Variants in CDH11 observed in about 807,000 individuals in gnomAD.
CDH11 encodes the protein cadherin 11.
A neutral mutation model predicts 67.8 loss-of-function variants in CDH11; 11 were observed. That is an observed-to-expected ratio of 0.16 (90% CI 0.10 to 0.27). The LOEUF (loss-of-function observed/expected upper bound fraction) is 0.27. CDH11 is among the 10% of genes least tolerant of loss of function. The pLI is 1.00. For synonymous variants in CDH11, 419 were observed against 400.0 expected (o/e 1.05, Z -0.57); for missense variants, 847 against 1,031.2 (o/e 0.82, Z 2.45).
intron 1 of CDH11, among the ~76,000 whole-genome samples, chr16:65,062,649 G>A (rs2074250929): frequency 6.6e-6 from 1 of 152,184 alleles, no homozygotes; most frequent in African/African-American, 2.4e-5. Context: ...CACTTACTCT[G>A]AAGACACAAG....
chr16:65,122,362 G>C (rs964837641), upstream of CDH11: 8 of 230,550 alleles, frequency 3.5e-5, no homozygotes, highest in African/African-American at 1.7e-4. Context: ...CTCAGATGGA[G>C]TCTGGAGCGA....
intron 11 of CDH11, among the ~76,000 whole-genome samples, chr16:64,954,906 C>T (rs1412707743): frequency 1.3e-5 from 2 of 150,092 alleles, no homozygotes; most frequent in African/African-American, 4.9e-5. Context: ...GAGTTCAAGA[C>T]CAGCCTGGCC....
upstream of CDH11, among the ~76,000 whole-genome samples, chr16:65,123,064 C>T (rs1371354222): frequency 6.6e-6 from 1 of 152,176 alleles, no homozygotes; most frequent in Admixed American, 6.5e-5. Flanking sequence ...CCCGGGCCTG[C>T]TTCCTGCCCT....
At chr16:65,018,085 A>C (rs539835263) in intron 2 of CDH11, among the ~76,000 whole-genome samples, 1 of 152,328 alleles carries the variant, frequency 6.6e-6, no homozygotes, top group Non-Finnish European at 1.5e-5. Flanking sequence ...CTTAGATTAG[A>C]CTTTTTAAAG....
intron 11 of CDH11, among the ~76,000 whole-genome samples, chr16:64,951,732 AT>A (rs889401865): frequency 1.3e-5 from 2 of 152,312 alleles, no homozygotes; most frequent in South Asian, 2.1e-4. Context: ...TAAAAAAGAA[AT>A]TCCAAGTCCA....
intron 1 of CDH11, among the ~76,000 whole-genome samples, chr16:65,105,222 T>A (rs2075048641): frequency 6.6e-6 from 1 of 152,216 alleles, no homozygotes; most frequent in Admixed American, 6.5e-5. Flanking sequence ...TATTTGTTTT[T>A]GGAAGAGGTT....
chr16:65,102,068 G>C (rs10500509), intron 1 of CDH11, among the ~76,000 whole-genome samples: 4,147 of 152,224 alleles, frequency 0.027, 171 homozygotes, highest in African/African-American at 0.093. Context: ...AGGTTGCATA[G>C]TAGAATTAAA....
chr16:65,063,219 C>A (rs2074261323), intron 1 of CDH11, among the ~76,000 whole-genome samples: 1 of 151,864 alleles, frequency 6.6e-6, no homozygotes, highest in Non-Finnish European at 1.5e-5. Flanking sequence ...AATGTGACTG[C>A]ACACACACAC....
chr16:65,080,474 A>G (rs1038968658), intron 1 of CDH11, among the ~76,000 whole-genome samples: 2 of 152,216 alleles, frequency 1.3e-5, no homozygotes, highest in Non-Finnish European at 2.9e-5. Context: ...TTAAATGCTC[A>G]TTATAATCCC....
intron 1 of CDH11, among the ~76,000 whole-genome samples, chr16:65,055,114 G>A (rs1694965280): frequency 6.6e-6 from 1 of 152,200 alleles, no homozygotes; most frequent in Admixed American, 6.5e-5. Flanking sequence ...AGGGAGTCAT[G>A]GAGGAAATGC....
chr16:64,943,999 T>G lies in CDH11; in HGVS notation c.*3604A>C, dbSNP rs2071152292. The G allele has an allele frequency of 1.3e-5, 3 of 231,764 alleles. No homozygotes were observed. The highest frequency in any genetic ancestry group is 5.6e-5 in the Admixed American group (1 of 17,722). The allele number at this position is 231,764 out of a possible 1,614,324, so 14.4% of individuals were successfully genotyped here. On this transcript the variant is annotated 3_prime_UTR_variant, in exon 13 of 13. Coordinates refer to ENST00000268603, the MANE Select transcript of CDH11 (RefSeq NM_001797.4). ...TGCTTTCCATGGAAAAGGAACGTGT[T>G]TTTTTTTGTATCAGGAACCGAAAGA...
intron 11 of CDH11, among the ~76,000 whole-genome samples, chr16:64,962,119 T>C (rs1359177689): frequency 1.3e-5 from 2 of 152,168 alleles, no homozygotes; most frequent in Non-Finnish European, 1.5e-5. Context: ...TTAATTTTTA[T>C]GTAGTTATTG....
chr16:64,999,315 TA>T (rs2072855508), intron 3 of CDH11, among the ~76,000 whole-genome samples: 1 of 152,128 alleles, frequency 6.6e-6, no homozygotes, highest in Non-Finnish European at 1.5e-5. Context: ...GTGAATCCTA[TA>T]AGAGATATTC....
At chr16:65,104,052 T>C (rs1350312170) in intron 1 of CDH11, among the ~76,000 whole-genome samples, 1 of 152,192 alleles carries the variant, frequency 6.6e-6, no homozygotes, top group Non-Finnish European at 1.5e-5. Flanking sequence ...TAAAGAGTTA[T>C]CATGAAATTA....
Position 65,110,176 on chromosome 16 carries a change from A to G in CDH11, c.-298+11704T>C, listed in dbSNP as rs115792891. Reference sequence around the variant, plus strand: ...ATGAGTCATTGCACCCAGCCTATTCAATGTTTACTAAAACCTCCTTCTGCT... The same window carrying G: ...ATGAGTCATTGCACCCAGCCTATTCGATGTTTACTAAAACCTCCTTCTGCT... On this transcript the variant is annotated intron_variant, in intron 1 of 12. Transcript: ENST00000268603. Among the ~76,000 whole-genome samples, 100 of 152,264 alleles carry G rather than the reference A, an allele frequency of 6.6e-4. 1 individual carries two copies. Among genetic ancestry groups the G allele is most frequent in the African/African-American group, 2.3e-3 (97 of 41,556 alleles).
At chr16:65,052,816 T>A (rs1488783577) in intron 2 of CDH11, among the ~76,000 whole-genome samples, 1 of 152,174 alleles carries the variant, frequency 6.6e-6, no homozygotes, top group African/African-American at 2.4e-5. Flanking sequence ...TTGACTTGCA[T>A]TTGAACGGTG....
chr16:65,048,801 C>A (rs2142702196), intron 2 of CDH11, among the ~76,000 whole-genome samples: 1 of 151,846 alleles, frequency 6.6e-6, no homozygotes, highest in South Asian at 2.1e-4. Context: ...TACACACACA[C>A]AACGTTCTTT....
chr16:64,960,483 G>A (rs1323552008), intron 11 of CDH11, among the ~76,000 whole-genome samples: 1 of 152,096 alleles, frequency 6.6e-6, no homozygotes, highest in African/African-American at 2.4e-5. Context: ...AGAGTGATAA[G>A]AAAAATTGAG....
chr16:64,982,025 T>C (rs1360684522), intron 8 of CDH11, 23 bp downstream of exon 8: 3 of 1,571,648 alleles, frequency 1.9e-6, no homozygotes, highest in Non-Finnish European at 2.6e-6. Flanking sequence ...CCATCCAAGC[T>C]CTTAAAATAA....
Sources: allele counts gnomAD v4.1 joint callset (sites outside exome capture counted in the v4.1 genomes callset), GRCh38; gene constraint gnomAD v4.1.1; transcripts MANE v1.5; gene names NCBI Gene and HGNC (gene_info 2026-07-23, HGNC 2026-07-21).